Variants in UNC13C observed in about 807,000 individuals in gnomAD.
UNC13C encodes the protein unc-13 homolog C.
Under a neutral mutation model 245.4 loss-of-function variants are expected in UNC13C, and 174 were observed. The ratio of observed to expected loss-of-function variants is 0.71; its 90% CI spans 0.63 to 0.80. The LOEUF (loss-of-function observed/expected upper bound fraction) is 0.80, where lower values mean the gene tolerates loss of function less well. Among genes scored for constraint, UNC13C ranks in the 30% least tolerant of loss-of-function variants. The probability of loss-of-function intolerance (pLI) is 0.00; values close to 1 mark genes in which losing one functional copy is unlikely to be tolerated. For missense variants in UNC13C, 2,829 were observed against 2,602.9 expected (o/e 1.09, Z -1.89); for synonymous variants, 992 against 895.1 (o/e 1.11, Z -1.93).
the UNC13C span, among the ~76,000 whole-genome samples, chr15:53,905,399 TACACACACAC>T: frequency 7.3e-5 from 9 of 123,544 alleles, no homozygotes; most frequent in East Asian, 2.4e-4. Context: ...TATTACTTTA[TACACACACAC>T]ACACACACAC....
intron 30 of UNC13C, among the ~76,000 whole-genome samples, chr15:54,584,007 GCC>G: frequency 6.6e-6 from 1 of 152,154 alleles, no homozygotes; most frequent in Non-Finnish European, 1.5e-5. Flanking sequence ...TCGGGCTCCT[GCC>G]GCTCTCTGGA....
chr15:53,855,708 T>A, the UNC13C span, among the ~76,000 whole-genome samples: 1 of 152,200 alleles, frequency 6.6e-6, no homozygotes, highest in East Asian at 1.9e-4. Flanking sequence ...TTATTGAGGA[T>A]AATTCACCAT....
the UNC13C span, among the ~76,000 whole-genome samples, chr15:53,877,569 C>CAGAGAG: frequency 6.7e-6 from 1 of 149,136 alleles, no homozygotes; most frequent in Non-Finnish European, 1.5e-5. Context: ...TTTGTGGATA[C>CAGAGAG]AGAGAGAGAG....
chr15:53,944,041 T>C, the UNC13C span, among the ~76,000 whole-genome samples: 1 of 152,080 alleles, frequency 6.6e-6, no homozygotes, highest in African/African-American at 2.4e-5. Flanking sequence ...CAGCATATAA[T>C]TGTGTCATGT....
intron 19 of UNC13C, among the ~76,000 whole-genome samples, chr15:54,465,760 C>CT: frequency 6.6e-6 from 1 of 152,048 alleles, no homozygotes; most frequent in Middle Eastern, 3.4e-3. Flanking sequence ...GAGGATTAGA[C>CT]TTTGGAATTC....
intron 4 of UNC13C, among the ~76,000 whole-genome samples, chr15:54,227,164 G>A (rs2035410404): frequency 6.6e-6 from 1 of 152,128 alleles, no homozygotes; most frequent in South Asian, 2.1e-4. Flanking sequence ...CCTTTCCTCA[G>A]GCAGATCGTT....
intron 2 of UNC13C, among the ~76,000 whole-genome samples, chr15:54,039,777 T>G (rs1277568149): frequency 1.3e-5 from 2 of 152,098 alleles, no homozygotes; most frequent in Non-Finnish European, 2.9e-5. Context: ...ACTGCTTCAC[T>G]TGGGTGTCTA....
At chr15:54,400,738 A>G (rs1451146523) in intron 18 of UNC13C, among the ~76,000 whole-genome samples, 1 of 152,174 alleles carries the variant, frequency 6.6e-6, no homozygotes, top group Non-Finnish European at 1.5e-5. Context: ...TAGGGATGAC[A>G]AAACGGTGGG....
At chr15:54,203,458 TGTA>T (rs1156682437) in intron 4 of UNC13C, among the ~76,000 whole-genome samples, 3 of 139,200 alleles carry the variant, frequency 2.2e-5, no homozygotes, top group African/African-American at 7.9e-5. Flanking sequence ...ATAAAGAAAA[TGTA>T]GTGTGTGTGT....
chr15:53,841,939 G>C, the UNC13C span, among the ~76,000 whole-genome samples: 1 of 152,182 alleles, frequency 6.6e-6, no homozygotes, highest in Non-Finnish European at 1.5e-5. Context: ...TGGATAGGAA[G>C]AATTTCTGGG....
the UNC13C span, among the ~76,000 whole-genome samples, chr15:53,839,453 A>G: frequency 6.6e-6 from 1 of 152,198 alleles, no homozygotes; most frequent in Non-Finnish European, 1.5e-5. Flanking sequence ...TCATTATACT[A>G]TTTAGTGTCA....
intron 19 of UNC13C, among the ~76,000 whole-genome samples, chr15:54,481,902 C>G (rs117857460): frequency 6.6e-6 from 1 of 152,250 alleles, no homozygotes; most frequent in East Asian, 1.9e-4. Flanking sequence ...GGACAAATCT[C>G]TCCTCAGGTC....
intron 26 of UNC13C, among the ~76,000 whole-genome samples, chr15:54,538,133 CAAAAAAAAAAAAAAAAAAAAAA>C (rs56041311): frequency 9.8e-5 from 1 of 10,236 alleles, no homozygotes; most frequent in African/African-American, 2.0e-4. Flanking sequence ...CATTAACAAG[CAAAAAAAAAAAAAAAAAAAAAA>C]AAAAAAAAAC....
chr15:54,132,980 T>C (rs2031520590), intron 2 of UNC13C, among the ~76,000 whole-genome samples: 1 of 152,138 alleles, frequency 6.6e-6, no homozygotes, highest in African/African-American at 2.4e-5. Flanking sequence ...AGGGAGAAAA[T>C]ACAACATTTT....
At chr15:53,927,373 A>G in the UNC13C span, among the ~76,000 whole-genome samples, 1 of 152,174 alleles carries the variant, frequency 6.6e-6, no homozygotes, top group Non-Finnish European at 1.5e-5. Flanking sequence ...TGTGGGTGTA[A>G]GAGTCCAGAT....
At chr15:54,280,453 C>A (rs1453157956) in intron 10 of UNC13C, among the ~76,000 whole-genome samples, 1 of 151,240 alleles carries the variant, frequency 6.6e-6, no homozygotes, top group Non-Finnish European at 1.5e-5. Flanking sequence ...TAATAACTTT[C>A]TATTAAAATA....
At chr15:54,219,231 G>C (rs1372396603) in intron 4 of UNC13C, among the ~76,000 whole-genome samples, 5 of 151,402 alleles carry the variant, frequency 3.3e-5, no homozygotes, top group African/African-American at 1.2e-4. Context: ...AAACAGCATG[G>C]TACTGGTACC....
At chr15:54,089,384 C>T (rs2141133165) in intron 2 of UNC13C, among the ~76,000 whole-genome samples, 1 of 152,166 alleles carries the variant, frequency 6.6e-6, no homozygotes, top group East Asian at 1.9e-4. Context: ...TCGGGGTTTC[C>T]TGGGTTTGCG....
At chr15:54,102,222 T>C (rs569785719) in intron 2 of UNC13C, among the ~76,000 whole-genome samples, 70 of 152,064 alleles carry the variant, frequency 4.6e-4, no homozygotes, top group African/African-American at 1.6e-3. Context: ...TTTTCTTTCA[T>C]GTGCATGCAT....
Sources: gnomAD v4.1 joint callset for allele counts (sites outside exome capture counted in the v4.1 genomes callset) on GRCh38, gnomAD v4.1.1 for gene constraint, MANE v1.5 for transcripts, NCBI Gene and HGNC (gene_info 2026-07-23, HGNC 2026-07-21) for gene names.